The following VGLL4 variants were observed in gnomAD, a reference collection of about 807,000 sequenced individuals.
VGLL4 encodes transcription cofactor vestigial-like protein 4.
A neutral mutation model predicts 21.0 loss-of-function variants in VGLL4; 7 were observed. The observed-to-expected ratio is 0.33, with a 90% CI of 0.19 to 0.63. The LOEUF (loss-of-function observed/expected upper bound fraction) is 0.63, where lower values mean the gene tolerates loss of function less well. VGLL4 is among the 20% of genes least tolerant of loss of function. The probability of loss-of-function intolerance (pLI) is 0.78; values close to 1 mark genes in which losing one functional copy is unlikely to be tolerated. For missense variants in VGLL4, 394 were observed against 425.7 expected, an observed-to-expected ratio of 0.93 and a Z score of 0.66; for synonymous variants, 222 against 173.2, an observed-to-expected ratio of 1.28 and a Z score of -2.21.
chr3:11,666,924 G>A (rs1015305055), intron 2 of VGLL4, among the ~76,000 whole-genome samples: 22 of 152,098 alleles, frequency 1.4e-4, no homozygotes, highest in Admixed American at 9.8e-4. Context: ...CTGCTCTCAG[G>A]TTCCCCCTCT....
At chr3:11,566,172 A>C (rs181194053) in intron 2 of VGLL4, among the ~76,000 whole-genome samples, 24 of 152,292 alleles carry the variant, frequency 1.6e-4, no homozygotes, top group African/African-American at 5.3e-4. Context: ...TTACACACAC[A>C]ATGTTACGCA....
At chr3:11,656,607 T>G (rs959166090) in intron 2 of VGLL4, among the ~76,000 whole-genome samples, 3 of 152,036 alleles carry the variant, frequency 2.0e-5, no homozygotes, top group African/African-American at 7.2e-5. Context: ...GTAACTCCTA[T>G]AGGGTCTGAC....
At chr3:11,717,530 C>T (rs953547556) in intron 1 of VGLL4, among the ~76,000 whole-genome samples, 1 of 114,176 alleles carries the variant, frequency 8.8e-6, no homozygotes, top group Non-Finnish European at 1.7e-5. Flanking sequence ...AGTTGGGAGC[C>T]GGGAGTCTCT....
rs1041627278 is a variant in VGLL4, at chr3:11,568,315, T to TGA, written c.273-3298_273-3297dup. Among the ~76,000 whole-genome samples the TGA allele has an allele frequency of 6.6e-6, 1 of 152,188 alleles. No individual in the cohort carries two copies. Among genetic ancestry groups the TGA allele is most frequent in the African/African-American group, 2.4e-5 (1 of 41,446 alleles). On this transcript the variant is annotated intron_variant, in intron 2 of 4. Transcript: ENST00000430365. The surrounding 1 kb of genome is among the most constrained non-coding windows in gnomAD (Gnocchi z 5.9). ...GCCTTAGGAAATCCAAGCATGACTA[T>TGA]GAGACCACATCACAGAGGAAAGGGG... is the stretch of plus-strand genomic sequence containing the variant.
chr3:11,608,286 G>T (rs2074990478), intron 1 of VGLL4, among the ~76,000 whole-genome samples: 1 of 152,084 alleles, frequency 6.6e-6, no homozygotes, highest in South Asian at 2.1e-4. Flanking sequence ...AATGTATTTG[G>T]CCTTTTACAT....
At chr3:11,572,968 G>A (rs1365627864) in intron 2 of VGLL4, among the ~76,000 whole-genome samples, 1 of 151,990 alleles carries the variant, frequency 6.6e-6, no homozygotes, top group Non-Finnish European at 1.5e-5. Flanking sequence ...AGGAGTTTGA[G>A]ACCGGCCTGA....
rs1409740454 is a variant in VGLL4 at position 11,653,578 on chromosome 3, G to T, written c.64+49393C>A. 1.3e-5 allele frequency among the ~76,000 whole-genome samples: 2 copies of T among 152,170 alleles called. No individual in the cohort carries two copies. The highest frequency in any genetic ancestry group is 4.8e-5 in the African/African-American group (2 of 41,452). The stretch of plus-strand genomic sequence containing the variant: ...TTCTACCTGGGGGTTATTATAAATA[G>T]TGCTGCTATGAATATTCTAGTGTGT... On this transcript the variant is annotated intron_variant, in intron 2 of 5. Transcript: ENST00000273038. The surrounding 1 kb of genome is among the most constrained non-coding windows in gnomAD (Gnocchi z 4.2).
chr3:11,562,540 G>A (rs1015513569), intron 3 of VGLL4, among the ~76,000 whole-genome samples: 2 of 152,226 alleles, frequency 1.3e-5, no homozygotes, highest in Non-Finnish European at 2.9e-5. Context: ...ACACCCAACA[G>A]ACTTCCAGGA....
At chr3:11,599,825 A>G (rs1054458483) in intron 2 of VGLL4, among the ~76,000 whole-genome samples, 1 of 151,532 alleles carries the variant, frequency 6.6e-6, no homozygotes, top group Middle Eastern at 3.4e-3. Flanking sequence ...CCTAGCCACA[A>G]AATTATTTTC....
At chr3:11,583,604 G>A (rs2074290856) in intron 2 of VGLL4, among the ~76,000 whole-genome samples, 1 of 152,184 alleles carries the variant, frequency 6.6e-6, no homozygotes, top group Non-Finnish European at 1.5e-5. Context: ...ATATCCTGGA[G>A]GGGACCAGGT....
Position 11,556,936 on chromosome 3 carries a change from A to G in VGLL4, c.*1620T>C, listed in dbSNP as rs935134688. On this transcript the variant is annotated 3_prime_UTR_variant, in exon 5 of 5. Transcript: ENST00000430365. ...GGCCTGCAGCCACTCTGTGACTACA[A>G]GAGCCAGTCCTCCGACCTTTTCACC... 6.5e-6 allele frequency: 1 copy of G among 152,782 alleles called. No homozygotes were observed. The highest frequency in any genetic ancestry group is 2.4e-5 in the African/African-American group (1 of 41,462). The allele number at this position is 152,782 out of a possible 1,614,324, so 9.5% of individuals were successfully genotyped here.
intron 2 of VGLL4, among the ~76,000 whole-genome samples, chr3:11,663,265 T>C (rs534332878): frequency 6.6e-6 from 1 of 152,348 alleles, no homozygotes; most frequent in South Asian, 2.1e-4. Context: ...GAGGTTCCTT[T>C]TTAGCAGGGC....
At position 11,568,635 on chromosome 3, in the gene VGLL4, C is replaced by T. The variant is rs2073644669; in HGVS notation, c.273-3616G>A. 2 of 1,569,244 alleles carry T rather than the reference C, an allele frequency of 1.3e-6. No individual in the cohort carries two copies. Among genetic ancestry groups the T allele is most frequent in the East Asian group, 2.3e-5 (1 of 42,748 alleles). ...CAGCTCATTTTCCTGGTTCCCGGAG[C>T]TTCAAGACAGACATTGTTTTCCAGG... On this transcript the variant is annotated intron_variant, in intron 2 of 4. Transcript: ENST00000430365. The surrounding 1 kb of genome is among the most constrained non-coding windows in gnomAD (Gnocchi z 5.9).
At chr3:11,710,078 T>C (rs1445323293) in intron 1 of VGLL4, among the ~76,000 whole-genome samples, 1 of 152,138 alleles carries the variant, frequency 6.6e-6, no homozygotes, top group Non-Finnish European at 1.5e-5. Flanking sequence ...AGGTGCCACA[T>C]TCTTTTCAAC....
At chr3:11,592,431 A>C (rs1442377180) in intron 2 of VGLL4, among the ~76,000 whole-genome samples, 1 of 152,140 alleles carries the variant, frequency 6.6e-6, no homozygotes, top group African/African-American at 2.4e-5. Context: ...TCCCTGAGGG[A>C]ACCCTGGTGA....
In VGLL4 at chr3:11,675,345, CAAAAAATAAAAAATA is replaced by C. The variant is rs1177304605; in HGVS notation, c.64+27611_64+27625del. ...TGGGGGACAGAGCAAGGCACTGTCT[CAAAAAATAAAAAATA>C]AAAAAATAAAAAAATGTAACATAGG... is the stretch of plus-strand genomic sequence containing the variant. On this transcript the variant is annotated intron_variant, in intron 2 of 5. Coordinates refer to the VGLL4 transcript ENST00000273038. Among the ~76,000 whole-genome samples the C allele has an allele frequency of 5.8e-3, 609 of 105,026 alleles. 3 individuals are homozygous for C. Among genetic ancestry groups the C allele is most frequent in the Non-Finnish European group, 0.012 (491 of 41,000 alleles). 68.9% of individuals were successfully genotyped at this position (105,026 alleles called of 152,430 possible). A position where few individuals can be genotyped will look rare whatever the true frequency, so the allele number is the denominator to read the frequency against.
intron 2 of VGLL4, among the ~76,000 whole-genome samples, chr3:11,655,369 AGTTG>A (rs2125347144): frequency 6.6e-6 from 1 of 152,300 alleles, no homozygotes; most frequent in Non-Finnish European, 1.5e-5. Flanking sequence ...CCAATGAGTT[AGTTG>A]CTCGTGGGCA....
At position 11,688,864 on chromosome 3, in the gene VGLL4, A is replaced by G. The variant is rs1442003016; in HGVS notation, c.64+14107T>C. Among the ~76,000 whole-genome samples the G allele has an allele frequency of 2.0e-5, 3 of 152,144 alleles. No homozygotes were observed. In the East Asian group the frequency reaches 5.8e-4, roughly 29 times the overall value. On this transcript the variant is annotated intron_variant, in intron 2 of 5. Coordinates refer to the VGLL4 transcript ENST00000273038. ...TGAAACCCCGTCTCTACAAAAATAC[A>G]AAAATTAGCCGGGCATGATGGTGGG...
chr3:11,701,527 C>T (rs1306589427), intron 2 of VGLL4, among the ~76,000 whole-genome samples: 1 of 152,140 alleles, frequency 6.6e-6, no homozygotes, highest in Non-Finnish European at 1.5e-5. Context: ...CAACAATGTG[C>T]CAGGAGAGAG....
Sources: gnomAD v4.1 joint callset for allele counts (sites outside exome capture counted in the v4.1 genomes callset) on GRCh38, gnomAD v4.1.1 for gene constraint, Gnocchi (gnomAD v3.1) non-coding constraint, MANE v1.5 for transcripts, NCBI Gene and HGNC (gene_info 2026-07-23, HGNC 2026-07-21) for gene names.